The following ARHGAP17 variants were observed in gnomAD, a reference collection of about 807,000 sequenced individuals.
ARHGAP17 encodes the protein rho GTPase-activating protein 17.
ARHGAP17 carries 57 observed loss-of-function variants against 99.5 expected under a neutral mutation model. The ratio of observed to expected loss-of-function variants is 0.57; its 90% confidence interval spans 0.46 to 0.71. The LOEUF is 0.71. ARHGAP17 is among the 30% of genes least tolerant of loss of function. ARHGAP17 has a pLI of 0.00. For synonymous variants in ARHGAP17, 417 were observed against 429.6 expected (o/e 0.97, Z 0.36); for missense variants, 1,000 against 1,122.4 (o/e 0.89, Z 1.56).
chr16:24,950,836 C>CAAAAAAAAAAAA (rs1177614713), intron 12 of ARHGAP17, among the ~76,000 whole-genome samples: 16 of 39,422 alleles, frequency 4.1e-4, no homozygotes, highest in African/African-American at 1.6e-3. Context: ...GACTCCAACT[C>CAAAAAAAAAAAA]AAAAAAAAAA....
At chr16:24,934,777 T>G (rs2051088943) in intron 18 of ARHGAP17, among the ~76,000 whole-genome samples, 1 of 152,046 alleles carries the variant, frequency 6.6e-6, no homozygotes, top group African/African-American at 2.4e-5. Context: ...ATTTTTGAGG[T>G]GAGACCTGAA....
At chr16:25,001,219 T>A (rs2141480883) in intron 1 of ARHGAP17, among the ~76,000 whole-genome samples, 1 of 152,086 alleles carries the variant, frequency 6.6e-6, no homozygotes, top group East Asian at 1.9e-4. Flanking sequence ...ACAAAAATGA[T>A]CAGTTGCATA....
chr16:25,015,325 C>T lies in ARHGAP17; in HGVS notation c.-64G>A. 8.1e-7 allele frequency: 1 copy of T among 1,231,602 alleles called. No individual in the cohort carries two copies. The highest frequency in any genetic ancestry group is 1.0e-6 in the Non-Finnish European group (1 of 980,680). The allele number at this position is 1,231,602 out of a possible 1,614,324, so 76.3% of individuals were successfully genotyped here. A position where few individuals can be genotyped will look rare whatever the true frequency, so the allele number is the denominator to read the frequency against. ...GGCAGGGCGGGGGACAGCCTGGCAG[C>T]TACTACATCGCTTCCCGGCCCAAAC... On this transcript the variant is annotated 5_prime_UTR_variant, in exon 1 of 20. Transcript: ENST00000289968.
chr16:24,966,918 A>G (rs567244929), intron 6 of ARHGAP17, among the ~76,000 whole-genome samples: 2 of 152,344 alleles, frequency 1.3e-5, no homozygotes, highest in African/African-American at 4.8e-5. Flanking sequence ...TCCTCTCAAA[A>G]GTAGGGAATG....
At chr16:24,970,688 G>A (rs1262579135) in intron 3 of ARHGAP17, 108 bp from the exon 4 acceptor site, 3 of 980,690 alleles carry the variant, frequency 3.1e-6, no homozygotes, top group Non-Finnish European at 4.8e-6. Flanking sequence ...AAATTACACA[G>A]GTAGGAGACA....
At chr16:24,949,292 T>C in intron 13 of ARHGAP17, 112 bp downstream of exon 13, 1 of 733,458 alleles carries the variant, frequency 1.4e-6, no homozygotes, top group Non-Finnish European at 2.2e-6. Context: ...GTGGTTTTTT[T>C]TGTTGTTGTT....
At chr16:25,010,485 A>G (rs2053616384) in intron 1 of ARHGAP17, among the ~76,000 whole-genome samples, 1 of 152,222 alleles carries the variant, frequency 6.6e-6, no homozygotes, top group Non-Finnish European at 1.5e-5. Flanking sequence ...GAAATGTTAT[A>G]GACTGTTACT....
In ARHGAP17 at chr16:24,931,199, C is replaced by A; in HGVS notation, c.2100G>T (p.Arg700Ser). Residue 700 changes from arginine (R) to serine (S), a missense_variant, in exon 19 of 20, where the codon AGG becomes AGT. Physicochemically the swap from Arg to Ser is moderately radical, Grantham distance 110. Coordinates refer to ENST00000289968, the MANE Select transcript of ARHGAP17 (RefSeq NM_001006634.3). ...SAPSQLSAPRRYSSSLSPIQA... is the reference protein window; with the variant it reads ...SAPSQLSAPRSYSSSLSPIQA... ...GGATTGGAGACAAGCTGCTGGAGTA[C>A]CTCCGGGGTGCTGAGAGCTGGGAGG... The A allele has an allele frequency of 6.3e-7, 1 of 1,578,920 alleles. No individual in the cohort carries two copies. The highest frequency in any genetic ancestry group is 8.6e-7 in the Non-Finnish European group (1 of 1,162,826).
intron 17 of ARHGAP17, among the ~76,000 whole-genome samples, chr16:24,938,788 A>AG (rs1252586888): frequency 6.6e-6 from 1 of 151,578 alleles, no homozygotes; most frequent in Non-Finnish European, 1.5e-5. Flanking sequence ...AAAAAAAAAA[A>AG]AAAGAAAAAA....
intron 1 of ARHGAP17, among the ~76,000 whole-genome samples, chr16:25,014,404 C>A (rs948135131): frequency 6.6e-6 from 1 of 152,234 alleles, no homozygotes; most frequent in African/African-American, 2.4e-5. Context: ...GTTCTGACAA[C>A]CTGATCTACC....
At chr16:25,006,285 TAA>T (rs144748526) in intron 1 of ARHGAP17, among the ~76,000 whole-genome samples, 4 of 139,144 alleles carry the variant, frequency 2.9e-5, no homozygotes, top group Non-Finnish European at 3.2e-5. Flanking sequence ...TACTAAAAAT[TAA>T]AAAAAAAAAA....
At chr16:24,970,632 C>A in intron 3 of ARHGAP17, 52 bp from the exon 4 acceptor site, 1 of 1,492,734 alleles carries the variant, frequency 6.7e-7, no homozygotes, top group Non-Finnish European at 9.3e-7. Flanking sequence ...TACCCATTCT[C>A]AATGATCTTT....
rs2051779536 is a variant in ARHGAP17, at chr16:24,955,395, A to G, written c.725-665T>C. On this transcript the variant is annotated intron_variant, in intron 9 of 19. Coordinates refer to ENST00000289968, the MANE Select transcript of ARHGAP17 (RefSeq NM_001006634.3). The surrounding 1 kb of genome is among the most constrained non-coding windows in gnomAD (Gnocchi z 4.0). Reference sequence around the variant, plus strand: ...GCTGAAGGCTATGCTGATGGCAGGAAAGCCATATTTTAGATTATCTTCAGG... The same window carrying G: ...GCTGAAGGCTATGCTGATGGCAGGAGAGCCATATTTTAGATTATCTTCAGG... 6.6e-6 allele frequency: 1 copy of G among 152,250 alleles called. No individual in the cohort carries two copies. Among genetic ancestry groups the G allele is most frequent in the African/African-American group, 2.4e-5 (1 of 41,468 alleles). 9.4% of individuals were successfully genotyped at this position (152,250 alleles called of 1,614,324 possible).
chr16:24,987,471 G>A (rs183488572), intron 1 of ARHGAP17, among the ~76,000 whole-genome samples: 1 of 152,300 alleles, frequency 6.6e-6, no homozygotes, highest in Non-Finnish European at 1.5e-5. Context: ...TTACTCAGAA[G>A]GGGGATTTCT....
intron 19 of ARHGAP17, among the ~76,000 whole-genome samples, chr16:24,923,400 T>C (rs989324387): frequency 1.3e-5 from 2 of 152,178 alleles, no homozygotes; most frequent in Non-Finnish European, 2.9e-5. Context: ...GTATATTAAC[T>C]GCACTCCAAG....
chr16:25,011,075 T>C (rs184539565), intron 1 of ARHGAP17, among the ~76,000 whole-genome samples: 10 of 152,332 alleles, frequency 6.6e-5, no homozygotes, highest in Non-Finnish European at 1.3e-4. Context: ...AGTGTACTCC[T>C]TCCTCTACTC....
At chr16:24,997,846 G>A (rs1048784401) in intron 1 of ARHGAP17, among the ~76,000 whole-genome samples, 1 of 152,186 alleles carries the variant, frequency 6.6e-6, no homozygotes, top group Non-Finnish European at 1.5e-5. Flanking sequence ...TGGGTGAAGG[G>A]ACCTGTTGAA....
intron 14 of ARHGAP17, among the ~76,000 whole-genome samples, chr16:24,944,479 G>A (rs1043693644): frequency 1.3e-5 from 2 of 152,098 alleles, no homozygotes; most frequent in African/African-American, 2.4e-5. Flanking sequence ...TCTGTAAAGA[G>A]GGTTGCACTT....
At chr16:24,968,874 G>T (rs1426761362) in intron 4 of ARHGAP17, 102 bp from the exon 5 acceptor site, 3 of 1,007,174 alleles carry the variant, frequency 3.0e-6, no homozygotes, top group Non-Finnish European at 4.6e-6. Context: ...GAACGCATTA[G>T]GGTGCTACCT....
Sources: allele counts gnomAD v4.1 joint callset (sites outside exome capture counted in the v4.1 genomes callset), GRCh38; gene constraint gnomAD v4.1.1; non-coding constraint Gnocchi (gnomAD v3.1); transcripts MANE v1.5; gene names NCBI Gene and HGNC (gene_info 2026-07-23, HGNC 2026-07-21).